The following MLXIP variants were observed in gnomAD, a reference collection of about 807,000 sequenced individuals.
The protein encoded by MLXIP is MLX interacting protein.
In MLXIP, 30 loss-of-function variants were observed where a neutral mutation model predicts 87.2. The ratio of observed to expected loss-of-function variants is 0.34; its 90% CI spans 0.26 to 0.47. The LOEUF (loss-of-function observed/expected upper bound fraction) is 0.47. Among genes scored for constraint, MLXIP ranks in the 20% least tolerant of loss-of-function variants. MLXIP has a pLI of 1.00. For synonymous variants in MLXIP, 530 were observed against 514.0 expected (o/e 1.03, Z -0.42); for missense variants, 1,002 against 1,240.1 (o/e 0.81, Z 2.88).
intron 15 of MLXIP, among the ~76,000 whole-genome samples, chr12:122,139,954 G>A (rs373069796): frequency 3.3e-5 from 5 of 152,190 alleles, no homozygotes; most frequent in African/African-American, 7.2e-5. Context: ...GATTACAGGC[G>A]TGAGCCACCG....
chr12:122,104,018 A>G (rs1458823335), intron 1 of MLXIP, among the ~76,000 whole-genome samples: 1 of 152,162 alleles, frequency 6.6e-6, no homozygotes. Context: ...TATGTGAACT[A>G]TATTCCAATA....
chr12:122,137,562 C>T lies in MLXIP; in HGVS notation c.2126C>T (p.Ser709Phe), dbSNP rs760600926. 6.2e-7 allele frequency: 1 copy of T among 1,614,002 alleles called. No individual in the cohort carries two copies. Among genetic ancestry groups the T allele is most frequent in the Non-Finnish European group, 8.5e-7 (1 of 1,179,870 alleles). ...CCCCAGAACAACTGCTCAGGGAAAT[C>T]CGACCCCAAAAATGTGGCTGCACTA... ...QSPQNNCSGK[S>F]DPKNVAALKN... The change falls in exon 12 of 17, where the codon TCC becomes TTC. Residue 709 changes from serine to phenylalanine, a missense_variant. Transcript: ENST00000319080. The surrounding 1 kb of genome is among the most constrained non-coding windows in gnomAD (Gnocchi z 4.1).
At chr12:122,124,173 C>T (rs1401649702) in intron 1 of MLXIP, among the ~76,000 whole-genome samples, 1 of 121,786 alleles carries the variant, frequency 8.2e-6, no homozygotes, top group Non-Finnish European at 1.7e-5. Flanking sequence ...CCTCAGCCGT[C>T]CCCCGCCCCA....
intron 1 of MLXIP, among the ~76,000 whole-genome samples, chr12:122,092,030 G>A (rs1952252213): frequency 6.6e-6 from 1 of 152,068 alleles, no homozygotes; most frequent in Non-Finnish European, 1.5e-5. Flanking sequence ...GCCACAGAAC[G>A]GCTCTGGCAC....
rs7312210 is a variant in MLXIP at position 122,145,317 on chromosome 12, A to G, written c.*3505A>G. The G allele has an allele frequency of 0.52, 79,675 of 152,158 alleles. 21,109 individuals carry two copies. Among genetic ancestry groups the G allele is most frequent in the Admixed American group, 0.58 (8,936 of 15,280 alleles). The allele number at this position is 152,158 out of a possible 1,614,324, so 9.4% of individuals were successfully genotyped here. The stretch of plus-strand genomic sequence containing the variant: ...GGGTCAGCCGTCAGCCAGCCCTCCC[A>G]TTTCCCGCCCATGGGCCCTGACCAC... On this transcript the variant is annotated 3_prime_UTR_variant, in exon 17 of 17. Coordinates refer to ENST00000319080, the MANE Select transcript of MLXIP (RefSeq NM_014938.6).
chr12:122,093,560 C>T (rs1952284403), intron 1 of MLXIP, among the ~76,000 whole-genome samples: 1 of 103,496 alleles, frequency 9.7e-6, no homozygotes, highest in Non-Finnish European at 1.8e-5. Flanking sequence ...TTTGCGGTGC[C>T]TGTGGCATGG....
rs1366730919 is a variant in MLXIP at position 122,093,523 on chromosome 12, GGT to G, written c.413+14266_413+14267del. Reference sequence around the variant, plus strand: ...GGTGTCTGTGTTGGTGTGTGTGGAGGGTGTGTGTGTTGGTTTGGGGGGTGTGT... The same window carrying G: ...GGTGTCTGTGTTGGTGTGTGTGGAGGGTGTGTGTTGGTTTGGGGGGTGTGT... On this transcript the variant is annotated intron_variant, in intron 1 of 16. Coordinates refer to ENST00000319080, the MANE Select transcript of MLXIP (RefSeq NM_014938.6). 1.8e-3 allele frequency among the ~76,000 whole-genome samples: 261 copies of G among 144,150 alleles called. 1 individual carries two copies. Among genetic ancestry groups the G allele is most frequent in the African/African-American group, 6.4e-3 (249 of 38,740 alleles). The allele number at this position is 144,150 out of a possible 152,430, so 94.6% of individuals were successfully genotyped here.
chr12:122,129,896 C>T (rs370741313), intron 5 of MLXIP, 45 bp from the exon 6 acceptor site: 86 of 1,578,810 alleles, frequency 5.4e-5, no homozygotes, highest in Non-Finnish European at 7.1e-5. Context: ...CTTCGTCCCA[C>T]TGTTACTCTT....
In MLXIP at chr12:122,137,770, G is replaced by A; in HGVS notation, c.2154+180G>A. On this transcript the variant is annotated intron_variant, in intron 12 of 16. Coordinates refer to ENST00000319080, the MANE Select transcript of MLXIP (RefSeq NM_014938.6). The surrounding 1 kb of genome is among the most constrained non-coding windows in gnomAD (Gnocchi z 4.1). ...CGAACCAGCCCTGTGGGGATGGTGGGCCCCCTGGAGGCTTTTGGGTGAGCC... is the reference window on the plus strand; with the variant it reads ...CGAACCAGCCCTGTGGGGATGGTGGACCCCCTGGAGGCTTTTGGGTGAGCC... 1 of 518,424 alleles carries A rather than the reference G, an allele frequency of 1.9e-6. No individual in the cohort carries two copies. Among genetic ancestry groups the A allele is most frequent in the South Asian group, 8.3e-5 (1 of 12,096 alleles). 32.1% of individuals were successfully genotyped at this position (518,424 alleles called of 1,614,324 possible).
chr12:122,129,135 A>C lies in MLXIP; in HGVS notation c.607-2A>C. On this transcript the variant is annotated splice_acceptor_variant, in intron 3 of 16. Transcript: ENST00000319080. LOFTEE classifies it high-confidence loss of function. ...TCACTCTGCTCTCTGTCCCTGTCCT[A>C]GGCCATCACCACGGAAGGGAAGTAC... 6 of 1,606,236 alleles carry C rather than the reference A, an allele frequency of 3.7e-6. No homozygotes were observed. Among genetic ancestry groups the C allele is most frequent in the Non-Finnish European group, 5.1e-6 (6 of 1,176,298 alleles).
chr12:122,110,645 C>T (rs1952591101), intron 1 of MLXIP, among the ~76,000 whole-genome samples: 1 of 151,826 alleles, frequency 6.6e-6, no homozygotes, highest in Non-Finnish European at 1.5e-5. Context: ...GTGGTGCATG[C>T]CTGTAGTCCC....
chr12:122,085,019 G>A (rs1952145343), intron 1 of MLXIP, among the ~76,000 whole-genome samples: 1 of 152,120 alleles, frequency 6.6e-6, no homozygotes, highest in Non-Finnish European at 1.5e-5. Flanking sequence ...GTGTCTTGAG[G>A]AGAAAAGTGA....
chr12:122,109,328 C>G (rs557322637), intron 1 of MLXIP, among the ~76,000 whole-genome samples: 2 of 152,236 alleles, frequency 1.3e-5, no homozygotes, highest in Admixed American at 1.3e-4. Flanking sequence ...CTTGGCCTCC[C>G]AAAGTGTTGG....
intron 1 of MLXIP, among the ~76,000 whole-genome samples, chr12:122,107,080 G>A (rs765509087): frequency 6.6e-6 from 1 of 152,090 alleles, no homozygotes; most frequent in South Asian, 2.1e-4. Context: ...TCTGTCTGTC[G>A]CCCTCTCCCA....
intron 12 of MLXIP, 30 bp from the exon 13 acceptor site, chr12:122,138,164 T>G: frequency 6.4e-7 from 1 of 1,560,664 alleles, no homozygotes; most frequent in Non-Finnish European, 8.7e-7. Flanking sequence ...GCAATGTGCC[T>G]GTCTTAGTGA....
At position 122,132,355 on chromosome 12, in the gene MLXIP, T is replaced by A. The variant is rs78186857; in HGVS notation, c.1064T>A (p.Val355Glu). The A allele has an allele frequency of 3.6e-4, 578 of 1,613,064 alleles. 2 individuals are homozygous for A. The highest frequency in any genetic ancestry group is 6.2e-4 in the Admixed American group (37 of 59,860). ...SMLPASASAP[V>E]PDPNNPPAQE... ...CTACCTGCATCTGCCTCAGCACCTG[T>A]ACCAGATCCCAACAACCCACCTGCA... Residue 355 changes from valine (V) to glutamate (E), a missense_variant, in exon 8 of 17, where the codon GTA (valine) becomes GAA (glutamate). Physicochemically the swap from Val to Glu is moderately radical, Grantham distance 121 (BLOSUM62 -2). This residue lies in a region of MLXIP where 746 missense variants were observed against 897.0 expected (regional missense o/e 0.83). Coordinates refer to ENST00000319080, the MANE Select transcript of MLXIP (RefSeq NM_014938.6).
At chr12:122,124,929 G>T (rs1341979808) in intron 1 of MLXIP, among the ~76,000 whole-genome samples, 2 of 152,200 alleles carry the variant, frequency 1.3e-5, no homozygotes, top group Non-Finnish European at 2.9e-5. Context: ...CACTTTGGGA[G>T]GCCGAGGCAG....
Position 122,135,211 on chromosome 12 carries a change from C to G in MLXIP, c.1733-13C>G, listed in dbSNP as rs762917744. On this transcript the variant is annotated splice_polypyrimidine_tract_variant and intron_variant, in intron 9 of 16. Transcript: ENST00000319080. The surrounding 1 kb of genome is among the most constrained non-coding windows in gnomAD (Gnocchi z 5.3). ...CCCAGGGCTGCACCTGAACATCCTC[C>G]TTATCCTGGCAGCTGCCTTTTCAGG... The G allele has an allele frequency of 6.2e-7, 1 of 1,612,258 alleles. No homozygotes were observed. The highest frequency in any genetic ancestry group is 8.5e-7 in the Non-Finnish European group (1 of 1,179,438).
intron 3 of MLXIP, 175 bp downstream of exon 3, chr12:122,128,143 A>G: frequency 1.7e-6 from 1 of 593,196 alleles, no homozygotes; most frequent in Non-Finnish European, 3.0e-6. Flanking sequence ...TGGCAACCCC[A>G]GGCTGCAGAG....
Sources: gnomAD v4.1 joint callset for allele counts (sites outside exome capture counted in the v4.1 genomes callset) on GRCh38, gnomAD v4.1.1 for gene constraint, gnomAD v4.1.1 regional missense constraint, Gnocchi (gnomAD v3.1) non-coding constraint, MANE v1.5 for transcripts, NCBI Gene and HGNC (gene_info 2026-07-23, HGNC 2026-07-21) for gene names.